The following TFEC variants were observed in gnomAD, a reference collection of about 807,000 sequenced individuals.
TFEC encodes the protein class E basic helix-loop-helix protein 34.
TFEC carries 31 observed loss-of-function variants against 41.6 expected under a neutral mutation model. The ratio of observed to expected loss-of-function variants is 0.74; its 90% CI spans 0.56 to 1.01. The LOEUF is 1.01. Ranked by LOEUF, TFEC falls within the 50% of genes least tolerant of loss-of-function variation. The pLI, the probability that TFEC is intolerant of heterozygous loss-of-function variation, is 0.00. For missense variants in TFEC, 402 were observed against 404.1 expected (o/e 0.99, Z 0.04); for synonymous variants, 143 against 140.6 (o/e 1.02, Z -0.12).
At chr7:116,028,260 T>C (rs959870603) in intron 1 of TFEC, among the ~76,000 whole-genome samples, 1 of 152,206 alleles carries the variant, frequency 6.6e-6, no homozygotes, top group East Asian at 1.9e-4. Flanking sequence ...TATCATCAGC[T>C]AAGCTCTCAT....
At chr7:116,080,659 C>A (rs770023123) in intron 3 of TFEC, among the ~76,000 whole-genome samples, 3 of 151,902 alleles carry the variant, frequency 2.0e-5, no homozygotes, top group Admixed American at 6.6e-5. Flanking sequence ...ATTACTCCTG[C>A]AAGAATGGCC....
chr7:116,054,812 C>A (rs1422406676), intron 3 of TFEC, among the ~76,000 whole-genome samples: 1 of 152,056 alleles, frequency 6.6e-6, no homozygotes, highest in Non-Finnish European at 1.5e-5. Context: ...TCAAATTTGT[C>A]TTACTTACAG....
At chr7:115,978,042 T>C (rs1793463026) in intron 2 of TFEC, among the ~76,000 whole-genome samples, 1 of 152,110 alleles carries the variant, frequency 6.6e-6, no homozygotes, top group African/African-American at 2.4e-5. Context: ...ATTGTAACTG[T>C]TAAATCCTAA....
chr7:116,068,046 G>T (rs1246508685), intron 3 of TFEC, among the ~76,000 whole-genome samples: 2 of 151,456 alleles, frequency 1.3e-5, no homozygotes, highest in Admixed American at 6.6e-5. Context: ...TAAAAATATC[G>T]ACCATTTGGG....
intron 1 of TFEC, among the ~76,000 whole-genome samples, chr7:116,022,043 G>A (rs1251274249): frequency 2.0e-5 from 3 of 152,128 alleles, no homozygotes; most frequent in African/African-American, 7.2e-5. Context: ...AAGGGGAAGG[G>A]GTGGCCAGGA....
intron 3 of TFEC, among the ~76,000 whole-genome samples, chr7:115,967,804 T>A (rs1792934213): frequency 6.6e-6 from 1 of 151,788 alleles, no homozygotes; most frequent in African/African-American, 2.4e-5. Flanking sequence ...AAACAAAGAA[T>A]GATAATTTAT....
chr7:115,970,455 GT>G (rs772777925), intron 3 of TFEC, among the ~76,000 whole-genome samples: 2 of 151,878 alleles, frequency 1.3e-5, no homozygotes, highest in Admixed American at 6.6e-5. Flanking sequence ...GGGGCAGTGA[GT>G]TTTTTTGTGT....
At chr7:115,979,431 T>G (rs1420929944) in intron 2 of TFEC, among the ~76,000 whole-genome samples, 1 of 152,084 alleles carries the variant, frequency 6.6e-6, no homozygotes, top group Non-Finnish European at 1.5e-5. Flanking sequence ...TTTTATATAA[T>G]ATTATAATTA....
intron 1 of TFEC, among the ~76,000 whole-genome samples, chr7:116,140,808 T>C (rs557088267): frequency 6.6e-6 from 1 of 152,290 alleles, no homozygotes; most frequent in Non-Finnish European, 1.5e-5. Context: ...ATTCAGCAAA[T>C]GTTTATAGGG....
At chr7:116,025,710 A>C (rs1003129611) in intron 1 of TFEC, among the ~76,000 whole-genome samples, 5 of 152,232 alleles carry the variant, frequency 3.3e-5, no homozygotes, top group African/African-American at 1.2e-4. Context: ...GCAACCATAA[A>C]GAAATCACTG....
In TFEC at chr7:116,085,479, G is replaced by A. The variant is rs1413772118; in HGVS notation, c.198+25229C>T. 3.3e-5 allele frequency among the ~76,000 whole-genome samples: 5 copies of A among 151,822 alleles called. No homozygotes were observed. In the South Asian group the frequency reaches 8.3e-4, roughly 25 times the overall value. Reference sequence around the variant, plus strand: ...CGCTTAAAATGAAATTTATAGAACGGGTTTGACCAAATGGATTGTATTTGT... The same window carrying A: ...CGCTTAAAATGAAATTTATAGAACGAGTTTGACCAAATGGATTGTATTTGT... On this transcript the variant is annotated intron_variant, in intron 3 of 8. Coordinates refer to the TFEC transcript ENST00000484212.
At chr7:116,001,691 A>C (rs1007623921) in intron 1 of TFEC, among the ~76,000 whole-genome samples, 2 of 152,162 alleles carry the variant, frequency 1.3e-5, no homozygotes, top group African/African-American at 2.4e-5. Flanking sequence ...AAAGGAAACA[A>C]TCAACAAAGT....
intron 3 of TFEC, among the ~76,000 whole-genome samples, chr7:116,057,041 T>C (rs1210737598): frequency 2.0e-5 from 3 of 151,890 alleles, no homozygotes; most frequent in Non-Finnish European, 2.9e-5. Flanking sequence ...TGGATGGAAA[T>C]AACAGCAGAT....
chr7:116,086,572 AC>A lies in TFEC; in HGVS notation c.198+24135del, dbSNP rs531619389. Reference sequence around the variant, plus strand: ...GGATATCGAATGCTTCTTTATGAGTACCCCCCCACTGTTTTCCAAGCTGTAA... The same window carrying A: ...GGATATCGAATGCTTCTTTATGAGTACCCCCCACTGTTTTCCAAGCTGTAA... On this transcript the variant is annotated intron_variant, in intron 3 of 8. Coordinates refer to the TFEC transcript ENST00000484212. Among the ~76,000 whole-genome samples, 526 of 151,390 alleles carry A rather than the reference AC, an allele frequency of 3.5e-3. 2 individuals carry two copies. Among genetic ancestry groups the A allele is most frequent in the African/African-American group, 0.012 (501 of 41,330 alleles).
At chr7:116,042,594 G>T (rs1157922703) in intron 3 of TFEC, among the ~76,000 whole-genome samples, 1 of 152,128 alleles carries the variant, frequency 6.6e-6, no homozygotes, top group Non-Finnish European at 1.5e-5. Flanking sequence ...TTAATAATCT[G>T]TAATGACTTT....
intron 1 of TFEC, among the ~76,000 whole-genome samples, chr7:116,020,586 A>G (rs932160768): frequency 6.6e-6 from 1 of 152,176 alleles, no homozygotes; most frequent in Non-Finnish European, 1.5e-5. Context: ...GAAAGCATAA[A>G]CCTGCAAAGC....
At chr7:116,007,905 A>G (rs1176617367) in intron 1 of TFEC, among the ~76,000 whole-genome samples, 1 of 152,252 alleles carries the variant, frequency 6.6e-6, no homozygotes. Context: ...GCATACAATA[A>G]TGGTAAAAGC....
intron 3 of TFEC, among the ~76,000 whole-genome samples, chr7:116,062,560 CATATATATATAT>C (rs57742551): frequency 0.011 from 1,128 of 101,680 alleles, 20 homozygotes; most frequent in African/African-American, 0.033. Context: ...GAGTAGTACT[CATATATATATAT>C]ATATATATAT....
chr7:116,028,025 C>T (rs940428864), intron 1 of TFEC, among the ~76,000 whole-genome samples: 1 of 152,180 alleles, frequency 6.6e-6, no homozygotes, highest in African/African-American at 2.4e-5. Flanking sequence ...GGAACAAGGG[C>T]TTTCTCGCCT....
Sources: allele counts gnomAD v4.1 joint callset (sites outside exome capture counted in the v4.1 genomes callset), GRCh38; gene constraint gnomAD v4.1.1; transcripts MANE v1.5; gene names NCBI Gene and HGNC (gene_info 2026-07-23, HGNC 2026-07-21).